Variants in CNIH3 observed in about 807,000 individuals in gnomAD.
CNIH3 encodes the protein protein cornichon homolog 3.
In CNIH3, 14 loss-of-function variants were observed where a neutral mutation model predicts 24.1. The observed-to-expected ratio is 0.58, with a 90% CI of 0.38 to 0.91. The LOEUF (loss-of-function observed/expected upper bound fraction) is 0.91. CNIH3 is among the 40% of genes least tolerant of loss of function. The pLI, the probability that CNIH3 is intolerant of heterozygous loss-of-function variation, is 0.00. For missense variants in CNIH3, 178 were observed against 196.8 expected, an observed-to-expected ratio of 0.90 and a Z score of 0.57; for synonymous variants, 68 against 73.8, an observed-to-expected ratio of 0.92 and a Z score of 0.40.
In CNIH3 at chr1:224,463,980, G is replaced by A. The variant is rs926278208; in HGVS notation, n.203+29118G>A. ...TAATTTTTGTGTTTTTAGTAGAGAC[G>A]GGGTTTCACCATATTGGCCAGGCTT... On this transcript the variant is annotated intron_variant and non_coding_transcript_variant, in intron 1 of 5. Transcript: ENST00000471578. Among the ~76,000 whole-genome samples, 4 of 149,330 alleles carry A rather than the reference G, an allele frequency of 2.7e-5. No homozygotes were observed. In the South Asian group the frequency reaches 6.4e-4, roughly 24 times the overall value.
intron 3 of CNIH3, among the ~76,000 whole-genome samples, chr1:224,600,422 C>G (rs1332701834): frequency 6.6e-6 from 1 of 152,178 alleles, no homozygotes; most frequent in Non-Finnish European, 1.5e-5. Flanking sequence ...CAACTCCCAA[C>G]CTCAGGTGAC....
rs747244140 is a variant in CNIH3, at chr1:224,684,839, G to T, written c.194G>T (p.Arg65Leu). ...ATCGAGCGCATCTGCTTCCTTCTGC[G>T]AAAGGTCAGTGTGGCAGCTTCATGC... Reference protein sequence around the residue: ...RNIERICFLLRKLVLPEYSIH... With the variant: ...RNIERICFLLLKLVLPEYSIH... Residue 65 changes from arginine to leucine, a missense_variant, in exon 3 of 6, where the codon CGA (arginine) becomes CTA (leucine). By Grantham distance (102) the Arg-to-Leu change is moderately radical. Transcript: ENST00000272133. This position sits in a 1 kb window ranked among gnomAD's most constrained non-coding sequence, Gnocchi z 4.2. 7.4e-6 allele frequency: 12 copies of T among 1,613,920 alleles called. No homozygotes were observed. Among genetic ancestry groups the T allele is most frequent in the Non-Finnish European group, 7.6e-6 (9 of 1,179,886 alleles).
At chr1:224,556,568 A>G (rs1025416673) in intron 3 of CNIH3, among the ~76,000 whole-genome samples, 22 of 152,310 alleles carry the variant, frequency 1.4e-4, no homozygotes, top group African/African-American at 4.6e-4. Flanking sequence ...TGGATGGGGC[A>G]GGGTGTATGG....
intron 3 of CNIH3, among the ~76,000 whole-genome samples, chr1:224,721,039 G>A (rs1334085025): frequency 6.6e-6 from 1 of 152,142 alleles, no homozygotes; most frequent in Non-Finnish European, 1.5e-5. Context: ...TCCTCACTCA[G>A]AACAATGGTT....
At chr1:224,456,170 T>C (rs986143495) in intron 1 of CNIH3, among the ~76,000 whole-genome samples, 2 of 152,122 alleles carry the variant, frequency 1.3e-5, no homozygotes, top group Admixed American at 1.3e-4. Flanking sequence ...CATAATATGG[T>C]CCATGAAGAG....
intron 1 of CNIH3, among the ~76,000 whole-genome samples, chr1:224,622,558 A>T (rs1489151049): frequency 3.3e-5 from 5 of 152,368 alleles, no homozygotes; most frequent in African/African-American, 1.2e-4. Context: ...AGAGGAGAGA[A>T]GTGTGCAGAA....
chr1:224,616,870 T>TAAAA lies in CNIH3; in HGVS notation c.-303_-302insAAAA. ...TCTCGAGGGGCTCACAGCTTGGCAC[T>TAAAA]AATTTGCAGGTGTTCGCTGCTGATT... On this transcript the variant is annotated 5_prime_UTR_variant, in exon 1 of 6. It introduces an in-frame stop codon into an upstream open reading frame of the 5' UTR. Coordinates refer to ENST00000272133, the MANE Select transcript of CNIH3 (RefSeq NM_152495.2). The TAAAA allele has an allele frequency of 9.0e-6, 11 of 1,225,986 alleles. No homozygotes were observed. In the South Asian group the frequency reaches 1.4e-4, roughly 15 times the overall value. 75.9% of individuals were successfully genotyped at this position (1,225,986 alleles called of 1,614,324 possible).
chr1:224,585,476 T>C (rs940694154), intron 5 of CNIH3, among the ~76,000 whole-genome samples: 1 of 145,298 alleles, frequency 6.9e-6, no homozygotes, highest in African/African-American at 2.5e-5. Context: ...GTTCTTTTAT[T>C]CTTTTTTTTT....
At chr1:224,544,669 C>A (rs958207822) in intron 2 of CNIH3, among the ~76,000 whole-genome samples, 13 of 152,168 alleles carry the variant, frequency 8.5e-5, no homozygotes, top group Non-Finnish European at 1.5e-4. Context: ...GAGCCCATGA[C>A]CGCTGTGCTG....
At chr1:224,479,309 A>G (rs1266677335) in intron 1 of CNIH3, among the ~76,000 whole-genome samples, 3 of 151,842 alleles carry the variant, frequency 2.0e-5, no homozygotes, top group Non-Finnish European at 2.9e-5. Context: ...ATGCGTCACC[A>G]CGCCCGGCTA....
At chr1:224,515,485 G>A (rs1678344243), upstream of CNIH3, among the ~76,000 whole-genome samples, 1 of 152,210 alleles carries the variant, frequency 6.6e-6, no homozygotes, top group Non-Finnish European at 1.5e-5. Context: ...ACCAAGCCAT[G>A]TTTCAAAGAC....
intron 3 of CNIH3, among the ~76,000 whole-genome samples, chr1:224,725,751 C>T (rs1347899443): frequency 6.6e-6 from 1 of 152,190 alleles, no homozygotes; most frequent in African/African-American, 2.4e-5. Flanking sequence ...CTCATCTTCT[C>T]CCTTCCCCTG....
At chr1:224,641,577 C>T (rs1173248053) in intron 1 of CNIH3, among the ~76,000 whole-genome samples, 1 of 152,212 alleles carries the variant, frequency 6.6e-6, no homozygotes, top group Non-Finnish European at 1.5e-5. Context: ...AGCCCTGGGA[C>T]AAATCAACAT....
intron 1 of CNIH3, among the ~76,000 whole-genome samples, chr1:224,444,034 G>T (rs532166945): frequency 6.6e-6 from 1 of 152,238 alleles, no homozygotes; most frequent in African/African-American, 2.4e-5. Flanking sequence ...TAAAGAAATG[G>T]TGTAGCAATT....
chr1:224,665,575 A>G (rs765737212), intron 1 of CNIH3, among the ~76,000 whole-genome samples: 119 of 152,280 alleles, frequency 7.8e-4, no homozygotes, highest in Non-Finnish European at 1.1e-3. Flanking sequence ...CCTTACCTGG[A>G]GCAGTACCTC....
intron 4 of CNIH3, among the ~76,000 whole-genome samples, chr1:224,581,783 T>C (rs1681284191): frequency 6.6e-6 from 1 of 152,208 alleles, no homozygotes; most frequent in Non-Finnish European, 1.5e-5. Flanking sequence ...ATTTAGCTCA[T>C]CTCCTTTGCC....
At chr1:224,715,387 T>C (rs886431480) in intron 3 of CNIH3, among the ~76,000 whole-genome samples, 1 of 152,018 alleles carries the variant, frequency 6.6e-6, no homozygotes, top group Non-Finnish European at 1.5e-5. Context: ...CTTATCTCAC[T>C]CTCCACTCTC....
At chr1:224,643,068 G>A (rs755323911) in intron 1 of CNIH3, among the ~76,000 whole-genome samples, 9 of 152,130 alleles carry the variant, frequency 5.9e-5, no homozygotes, top group Admixed American at 5.9e-4. Context: ...ACACATCTGC[G>A]GCCCTTCTGT....
intron 1 of CNIH3, 107 bp from the exon 2 acceptor site, chr1:224,680,850 AG>A: frequency 1.2e-6 from 1 of 811,980 alleles, no homozygotes; most frequent in Non-Finnish European, 2.1e-6. Flanking sequence ...TGCCATCTAC[AG>A]CCTCTTCCTT....
Sources: gnomAD v4.1 joint callset for allele counts (sites outside exome capture counted in the v4.1 genomes callset) on GRCh38, gnomAD v4.1.1 for gene constraint, Gnocchi (gnomAD v3.1) non-coding constraint, MANE v1.5 for transcripts, NCBI Gene and HGNC (gene_info 2026-07-23, HGNC 2026-07-21) for gene names.